The following PSD3 variants were observed in gnomAD, a reference collection of about 807,000 sequenced individuals.
The protein encoded by PSD3 is pleckstrin and Sec7 domain containing 3.
In PSD3, 49 loss-of-function variants were observed where a neutral mutation model predicts 105.5. That is an observed-to-expected ratio of 0.46 (90% CI 0.37 to 0.59). The LOEUF (loss-of-function observed/expected upper bound fraction) is 0.59, where lower values mean the gene tolerates loss of function less well. Ranked by LOEUF, PSD3 falls within the 20% of genes least tolerant of loss-of-function variation. The pLI, the probability that PSD3 is intolerant of heterozygous loss-of-function variation, is 0.00. For synonymous variants in PSD3, 557 were observed against 457.8 expected (o/e 1.22, Z -2.77); for missense variants, 1,561 against 1,263.8 (o/e 1.24, Z -3.57).
Position 18,675,164 on chromosome 8 carries a change from C to T in PSD3, c.2173-19479G>A, listed in dbSNP as rs192182612. Among the ~76,000 whole-genome samples the T allele has an allele frequency of 4.7e-3, 722 of 152,268 alleles. 5 individuals are homozygous for T. The highest frequency in any genetic ancestry group is 7.1e-3 in the Non-Finnish European group (485 of 68,006). On this transcript the variant is annotated intron_variant, in intron 9 of 15. Transcript: ENST00000327040. The stretch of plus-strand genomic sequence containing the variant: ...GTAGGACCTCAACCCTTTAGATTTA[C>T]TTATGCTGGGAGACCTTAGAAGAAA...
intron 11 of PSD3, among the ~76,000 whole-genome samples, chr8:18,617,973 C>T: frequency 6.6e-6 from 1 of 152,188 alleles, no homozygotes; most frequent in East Asian, 1.9e-4. Context: ...CCCTCCCTTG[C>T]TAAATCTTTT....
At chr8:18,549,797 TTTTTG>T (rs931555149) in intron 15 of PSD3, among the ~76,000 whole-genome samples, 3 of 152,264 alleles carry the variant, frequency 2.0e-5, no homozygotes, top group African/African-American at 4.8e-5. Context: ...AACTGAAATA[TTTTTG>T]TTTTATGTTT....
intron 9 of PSD3, among the ~76,000 whole-genome samples, chr8:18,714,935 G>GA (rs1802492330): frequency 6.6e-6 from 1 of 152,146 alleles, no homozygotes; most frequent in African/African-American, 2.4e-5. Flanking sequence ...ATACACCATA[G>GA]AATACTATGC....
chr8:19,067,871 A>G (rs1829128539), intron 1 of PSD3, among the ~76,000 whole-genome samples: 1 of 152,168 alleles, frequency 6.6e-6, no homozygotes. Context: ...TGGCATATCT[A>G]CCCATGCACT....
At chr8:18,718,645 A>G (rs895519852) in intron 9 of PSD3, among the ~76,000 whole-genome samples, 2 of 152,230 alleles carry the variant, frequency 1.3e-5, no homozygotes, top group Non-Finnish European at 2.9e-5. Flanking sequence ...GCTTTTGAAC[A>G]TAGCACTCTC....
intron 9 of PSD3, among the ~76,000 whole-genome samples, chr8:18,712,315 C>CA (rs200087586): frequency 0.14 from 17,193 of 123,586 alleles, 1,633 homozygotes; most frequent in East Asian, 0.42. Context: ...AAAATCCTTC[C>CA]AAAAAAAAAA....
chr8:18,638,768 C>T (rs1807445190), intron 10 of PSD3, among the ~76,000 whole-genome samples: 1 of 152,128 alleles, frequency 6.6e-6, no homozygotes, highest in Non-Finnish European at 1.5e-5. Context: ...CTAGAAACTA[C>T]TCCAAACAGC....
chr8:18,821,613 G>T (rs1245631327), intron 4 of PSD3, among the ~76,000 whole-genome samples: 2 of 150,896 alleles, frequency 1.3e-5, no homozygotes, highest in Non-Finnish European at 2.9e-5. Context: ...CAATATTCCA[G>T]CTAATTCAAA....
intron 1 of PSD3, among the ~76,000 whole-genome samples, chr8:19,010,634 G>T (rs1826909410): frequency 6.6e-6 from 1 of 152,060 alleles, no homozygotes; most frequent in Non-Finnish European, 1.5e-5. Context: ...ACGTAACTCA[G>T]AAACACTCTT....
intron 1 of PSD3, among the ~76,000 whole-genome samples, chr8:19,079,185 A>C (rs967903577): frequency 6.6e-6 from 1 of 152,138 alleles, no homozygotes; most frequent in African/African-American, 2.4e-5. Context: ...AAGGCAAATC[A>C]CAAGATGAGA....
At chr8:18,724,286 C>T (rs889384383) in intron 9 of PSD3, among the ~76,000 whole-genome samples, 1 of 152,050 alleles carries the variant, frequency 6.6e-6, no homozygotes, top group Non-Finnish European at 1.5e-5. Context: ...AAACAAATAG[C>T]AGTAATATTA....
chr8:18,841,396 TCTA>T (rs1378386119), intron 4 of PSD3, among the ~76,000 whole-genome samples: 1 of 152,170 alleles, frequency 6.6e-6, no homozygotes, highest in African/African-American at 2.4e-5. Flanking sequence ...ACAAAGCAGC[TCTA>T]CTTTCAAACA....
chr8:18,752,526 A>G (rs1563225087), intron 9 of PSD3, among the ~76,000 whole-genome samples: 1 of 51,878 alleles, frequency 1.9e-5, no homozygotes, highest in African/African-American at 1.1e-4. Flanking sequence ...TGTAATATAT[A>G]TAATTATATA....
intron 9 of PSD3, among the ~76,000 whole-genome samples, chr8:18,663,632 G>A (rs1401524121): frequency 6.6e-6 from 1 of 152,092 alleles, no homozygotes; most frequent in African/African-American, 2.4e-5. Context: ...ACCTTCTATT[G>A]AACTGGCTGT....
chr8:18,901,271 A>C (rs896994155), intron 2 of PSD3, among the ~76,000 whole-genome samples: 6 of 152,160 alleles, frequency 3.9e-5, no homozygotes, highest in African/African-American at 1.4e-4. Context: ...AAAATATTTG[A>C]ATATAAGTGG....
chr8:18,595,689 TAATG>T (rs998348514), intron 12 of PSD3, among the ~76,000 whole-genome samples: 4 of 152,026 alleles, frequency 2.6e-5, no homozygotes, highest in African/African-American at 9.7e-5. Context: ...TGACATATAA[TAATG>T]AGTCAATTCA....
intron 9 of PSD3, among the ~76,000 whole-genome samples, chr8:18,668,741 T>G (rs1188179420): frequency 1.3e-5 from 2 of 152,208 alleles, no homozygotes; most frequent in African/African-American, 4.8e-5. Context: ...AAGTCAGTAT[T>G]ATGTGTATTG....
Position 18,556,382 on chromosome 8 carries a change from T to TAA in PSD3, c.2785-31_2785-30insTT. On this transcript the variant is annotated intron_variant, in intron 14 of 15. Coordinates refer to ENST00000327040, the MANE Select transcript of PSD3 (RefSeq NM_015310.4). ...AGGAAATCATGATGCCATTTAGCGT[T>TAA]CAAAAAAAAAACAAGTCAATAACAA... The TAA allele has an allele frequency of 3.2e-6, 5 of 1,563,882 alleles. No individual in the cohort carries two copies. In the Admixed American group the frequency reaches 5.8e-5, roughly 18 times the overall value.
chr8:19,013,218 C>T (rs574155563), intron 1 of PSD3, among the ~76,000 whole-genome samples: 11 of 151,800 alleles, frequency 7.2e-5, no homozygotes, highest in African/African-American at 2.7e-4. Context: ...ACGTGATAGT[C>T]CCTAAATACA....
Sources: gnomAD v4.1 joint callset for allele counts (sites outside exome capture counted in the v4.1 genomes callset) on GRCh38, gnomAD v4.1.1 for gene constraint, MANE v1.5 for transcripts, NCBI Gene and HGNC (gene_info 2026-07-23, HGNC 2026-07-21) for gene names.